OCA2: variants seen among roughly 807,000 people sequenced by gnomAD.
The protein encoded by OCA2 is P protein.
A neutral mutation model predicts 100.2 loss-of-function variants in OCA2; 77 were observed. The ratio of observed to expected loss-of-function variants is 0.77; its 90% confidence interval spans 0.64 to 0.93. The LOEUF is 0.93. Among genes scored for constraint, OCA2 ranks in the 40% least tolerant of loss-of-function variants. The pLI, the probability that OCA2 is intolerant of heterozygous loss-of-function variation, is 0.00. For missense variants in OCA2, 1,062 were observed against 1,089.1 expected (o/e 0.98, Z 0.35); for synonymous variants, 432 against 439.2 (o/e 0.98, Z 0.21).
intron 2 of OCA2, among the ~76,000 whole-genome samples, chr15:28,074,658 A>G (rs1272224972): frequency 2.1e-5 from 3 of 139,664 alleles, no homozygotes; most frequent in African/African-American, 8.4e-5. Flanking sequence ...TGGGCAACAG[A>G]GCGAGACTCC....
intron 9 of OCA2, among the ~76,000 whole-genome samples, chr15:28,008,680 A>T (rs1013603784): frequency 3.9e-5 from 6 of 152,234 alleles, no homozygotes; most frequent in Admixed American, 3.3e-4. Context: ...AAAGTATAAA[A>T]ATGGCCTTGC....
intron 6 of OCA2, among the ~76,000 whole-genome samples, chr15:28,018,833 G>A (rs909097589): frequency 6.6e-6 from 1 of 152,170 alleles, no homozygotes; most frequent in African/African-American, 2.4e-5. Flanking sequence ...TCCAAAGATG[G>A]AGGGAGGCCA....
chr15:28,087,558 C>A (rs901942992), intron 1 of OCA2, among the ~76,000 whole-genome samples: 2 of 152,066 alleles, frequency 1.3e-5, no homozygotes, highest in African/African-American at 4.8e-5. Context: ...CCAGCCTGGG[C>A]AACATGGCAA....
chr15:27,979,643 C>T (rs1454058014), intron 14 of OCA2, among the ~76,000 whole-genome samples: 2 of 151,602 alleles, frequency 1.3e-5, no homozygotes, highest in South Asian at 2.1e-4. Flanking sequence ...TTAACTTTCA[C>T]GGACTACCTT....
At chr15:27,795,706 G>A (rs1294434812) in intron 23 of OCA2, among the ~76,000 whole-genome samples, 1 of 152,206 alleles carries the variant, frequency 6.6e-6, no homozygotes, top group African/African-American at 2.4e-5. Flanking sequence ...AGAGCTCCAA[G>A]GGGTGGCACC....
chr15:28,066,022 T>A (rs2044012641), intron 2 of OCA2, among the ~76,000 whole-genome samples: 1 of 152,140 alleles, frequency 6.6e-6, no homozygotes, highest in Non-Finnish European at 1.5e-5. Flanking sequence ...CACAAAAAAA[T>A]CTACAAACAA....
chr15:28,092,462 C>T (rs2044886480), intron 1 of OCA2, among the ~76,000 whole-genome samples: 1 of 152,108 alleles, frequency 6.6e-6, no homozygotes, highest in Non-Finnish European at 1.5e-5. Flanking sequence ...CTCAGTGATC[C>T]TCCCACCTCA....
chr15:27,809,469 G>A (rs2033988573), intron 23 of OCA2, among the ~76,000 whole-genome samples: 1 of 152,142 alleles, frequency 6.6e-6, no homozygotes. Context: ...AGCAAGACAA[G>A]GATGCTCTCT....
At chr15:27,912,875 A>G (rs1318890642) in intron 19 of OCA2, among the ~76,000 whole-genome samples, 1 of 152,214 alleles carries the variant, frequency 6.6e-6, no homozygotes, top group East Asian at 1.9e-4. Context: ...ATCGATGTTA[A>G]CACTTTCAGT....
chr15:27,897,126 C>G (rs539873004), intron 19 of OCA2, among the ~76,000 whole-genome samples: 1 of 150,902 alleles, frequency 6.6e-6, no homozygotes, highest in African/African-American at 2.4e-5. Context: ...GGAGGGGGAG[C>G]TTGCAGTGAG....
At chr15:27,897,682 G>A (rs574271500) in intron 19 of OCA2, among the ~76,000 whole-genome samples, 1 of 152,208 alleles carries the variant, frequency 6.6e-6, no homozygotes, top group African/African-American at 2.4e-5. Context: ...GGGGTCAGAG[G>A]TGCCACACTG....
chr15:27,806,044 T>C (rs1212547074), intron 23 of OCA2, among the ~76,000 whole-genome samples: 3 of 152,240 alleles, frequency 2.0e-5, no homozygotes, highest in African/African-American at 7.2e-5. Context: ...TTTGTGACTA[T>C]TTAGAAAGTA....
intron 3 of OCA2, 94 bp downstream of exon 3, chr15:28,031,971 T>G: frequency 2.3e-6 from 2 of 884,806 alleles, no homozygotes; most frequent in Admixed American, 1.7e-5. Flanking sequence ...GTTAAACATG[T>G]CCAATAAAAA....
chr15:28,056,558 T>C (rs1035362618), intron 2 of OCA2, among the ~76,000 whole-genome samples: 1 of 152,208 alleles, frequency 6.6e-6, no homozygotes, highest in Non-Finnish European at 1.5e-5. Context: ...TCCTTTGGGG[T>C]GACGTGGGGG....
At chr15:28,020,007 G>A (rs2042541477) in intron 6 of OCA2, among the ~76,000 whole-genome samples, 3 of 152,154 alleles carry the variant, frequency 2.0e-5, no homozygotes, top group African/African-American at 7.2e-5. Context: ...CCACTGCGCT[G>A]GAGGACGCAG....
chr15:28,012,723 G>T (rs1245762016), intron 9 of OCA2, among the ~76,000 whole-genome samples: 1 of 152,080 alleles, frequency 6.6e-6, no homozygotes, highest in South Asian at 2.1e-4. Context: ...GTTTTCAAAG[G>T]TTGAACAATT....
At chr15:27,929,825 A>AAATTTTTTTTTTTTTTTTTTTTTTT (rs71132826) in intron 18 of OCA2, among the ~76,000 whole-genome samples, 2 of 149,134 alleles carry the variant, frequency 1.3e-5, no homozygotes, top group Non-Finnish European at 1.5e-5. Context: ...CAAATGGGAA[A>AAATTTTTTTTTTTTTTTTTTTTTTT]TATTTTAAAC....
intron 23 of OCA2, among the ~76,000 whole-genome samples, chr15:27,833,039 C>T (rs2035022280): frequency 6.6e-6 from 1 of 152,030 alleles, no homozygotes; most frequent in African/African-American, 2.4e-5. Flanking sequence ...TGGTCTCGAA[C>T]TCCTGACCTC....
intron 18 of OCA2, among the ~76,000 whole-genome samples, chr15:27,932,760 C>G (rs7172981): frequency 0.31 from 46,719 of 152,164 alleles, 8,735 homozygotes; most frequent in Middle Eastern, 0.51. Flanking sequence ...TAAGCAATCA[C>G]TAAGGAACAG....
Sources: allele counts gnomAD v4.1 joint callset (sites outside exome capture counted in the v4.1 genomes callset), GRCh38; gene constraint gnomAD v4.1.1; transcripts MANE v1.5; gene names NCBI Gene and HGNC (gene_info 2026-07-23, HGNC 2026-07-21).